Variants in SNX25 observed in about 807,000 individuals in gnomAD.
SNX25 encodes the protein sorting nexin 25, also known as sorting nexin-25.
Under a neutral mutation model 113.7 loss-of-function variants are expected in SNX25, and 62 were observed. The ratio of observed to expected loss-of-function variants is 0.55; its 90% CI spans 0.44 to 0.67. The LOEUF (loss-of-function observed/expected upper bound fraction) is 0.67. Ranked by LOEUF, SNX25 falls within the 30% of genes least tolerant of loss-of-function variation. The pLI is 0.00. For missense variants in SNX25, 1,014 were observed against 1,161.0 expected (o/e 0.87, Z 1.84); for synonymous variants, 421 against 436.2 (o/e 0.97, Z 0.43).
chr4:185,257,093 A>T (rs1222327781), intron 2 of SNX25, among the ~76,000 whole-genome samples: 5 of 152,018 alleles, frequency 3.3e-5, no homozygotes, highest in African/African-American at 4.8e-5. Flanking sequence ...TAGTGTGCAG[A>T]CAAGCAAAGA....
At chr4:185,264,314 T>G in intron 3 of SNX25, 124 bp from the exon 4 acceptor site, 1 of 912,202 alleles carries the variant, frequency 1.1e-6, no homozygotes, top group Non-Finnish European at 1.6e-6. Context: ...GGAAATTTGA[T>G]TATTTAGGAG....
rs144360642 is a variant in SNX25, at chr4:185,229,306, C to T, written c.430-17988C>T. On this transcript the variant is annotated intron_variant, in intron 1 of 18. Coordinates refer to ENST00000652585, the MANE Select transcript of SNX25 (RefSeq NM_001378034.2). The stretch of plus-strand genomic sequence containing the variant: ...AGAGAAGGGAAGGGTCAGAGGCCTG[C>T]GAGGCCTCCTATCTGCTGGCATGCA... 5.9e-5 allele frequency among the ~76,000 whole-genome samples: 9 copies of T among 152,248 alleles called. No individual in the cohort carries two copies. In the South Asian group the frequency reaches 1.5e-3, roughly 25 times the overall value.
At position 185,288,090 on chromosome 4, in the gene SNX25, C is replaced by T; in HGVS notation, c.1162+8C>T. The T allele has an allele frequency of 1.9e-6, 3 of 1,611,522 alleles. No homozygotes were observed. The highest frequency in any genetic ancestry group is 2.5e-6 in the Non-Finnish European group (3 of 1,178,694). ...AACTGAAGAGGCACAAAGGTAAGAG[C>T]CAGGTTGTTTTCTTCAGTTCCACAT... On this transcript the variant is annotated splice_region_variant and intron_variant, in intron 6 of 18. Coordinates refer to ENST00000652585, the MANE Select transcript of SNX25 (RefSeq NM_001378034.2).
intron 2 of SNX25, among the ~76,000 whole-genome samples, chr4:185,250,044 C>T (rs967684965): frequency 1.3e-5 from 2 of 152,068 alleles, no homozygotes; most frequent in Non-Finnish European, 2.9e-5. Flanking sequence ...GTGGATGCTG[C>T]TTTTTAGACA....
intron 9 of SNX25, among the ~76,000 whole-genome samples, chr4:185,327,752 T>G (rs951481792): frequency 6.6e-6 from 1 of 152,216 alleles, no homozygotes; most frequent in African/African-American, 2.4e-5. Context: ...TTAGGGTATT[T>G]CATTAAATAG....
intron 6 of SNX25, among the ~76,000 whole-genome samples, chr4:185,308,304 G>GT (rs1319369979): frequency 2.0e-5 from 3 of 152,168 alleles, no homozygotes; most frequent in East Asian, 1.9e-4. Context: ...ATTGTTACTG[G>GT]TTTTAAATTT....
chr4:185,239,763 A>ATTTTTTTTT (rs200021607), intron 1 of SNX25, among the ~76,000 whole-genome samples: 1 of 122,474 alleles, frequency 8.2e-6, no homozygotes. Context: ...AATAAGGTGT[A>ATTTTTTTTT]TTTTTTTTTT....
chr4:185,265,701 A>G (rs1163048894), intron 4 of SNX25, among the ~76,000 whole-genome samples: 1 of 152,056 alleles, frequency 6.6e-6, no homozygotes, highest in African/African-American at 2.4e-5. Context: ...ATTTTTTTAA[A>G]CTTTTTGACT....
intron 5 of SNX25, among the ~76,000 whole-genome samples, chr4:185,276,750 CT>C (rs1017844125): frequency 4.6e-5 from 7 of 152,182 alleles, no homozygotes; most frequent in Non-Finnish European, 7.3e-5. Flanking sequence ...CAGAATAAGC[CT>C]CCTTGACCAT....
intron 1 of SNX25, among the ~76,000 whole-genome samples, chr4:185,236,986 G>C (rs889256297): frequency 3.9e-5 from 6 of 152,152 alleles, no homozygotes; most frequent in African/African-American, 1.4e-4. Flanking sequence ...ATCTATAATA[G>C]AGAATGTATT....
At chr4:185,373,025 C>T (rs768117454), downstream of SNX25, 6 of 1,612,704 alleles carry the variant, frequency 3.7e-6, no homozygotes, top group African/African-American at 2.7e-5. Flanking sequence ...AGCCCAAGTG[C>T]ACCCTGGGAC....
intron 13 of SNX25, among the ~76,000 whole-genome samples, chr4:185,348,841 C>A (rs1377956939): frequency 6.6e-6 from 1 of 152,226 alleles, no homozygotes; most frequent in African/African-American, 2.4e-5. Flanking sequence ...TTGTAACTTT[C>A]TAGCCACTGA....
intron 5 of SNX25, among the ~76,000 whole-genome samples, chr4:185,282,741 T>C (rs1465000959): frequency 6.6e-6 from 1 of 152,182 alleles, no homozygotes. Context: ...TCCTCCCTAA[T>C]ACTTGACTTT....
At chr4:185,315,074 A>G (rs1251087642) in intron 7 of SNX25, among the ~76,000 whole-genome samples, 12 of 148,328 alleles carry the variant, frequency 8.1e-5, no homozygotes, top group Non-Finnish European at 1.5e-4. Context: ...TAAAAATACA[A>G]AAAATTAGCC....
intron 4 of SNX25, among the ~76,000 whole-genome samples, chr4:185,266,654 G>T (rs570174528): frequency 6.6e-6 from 1 of 152,074 alleles, no homozygotes; most frequent in Non-Finnish European, 1.5e-5. Context: ...GAGCCACCAC[G>T]CCCGGCCTTA....
chr4:185,251,408 C>T (rs560652036), intron 2 of SNX25, among the ~76,000 whole-genome samples: 4 of 152,296 alleles, frequency 2.6e-5, no homozygotes, highest in African/African-American at 9.6e-5. Context: ...CTTTCTCTTC[C>T]TCCAGCCTCT....
At chr4:185,249,525 CAGA>C (rs1745346824) in intron 2 of SNX25, among the ~76,000 whole-genome samples, 4 of 152,124 alleles carry the variant, frequency 2.6e-5, no homozygotes, top group Admixed American at 2.0e-4. Flanking sequence ...GATGTAGATA[CAGA>C]AGATTTTTCT....
rs2095248906 is a variant in SNX25, at chr4:185,339,414, A to G, written c.1950A>G (p.Ile650Met). 6.2e-7 allele frequency: 1 copy of G among 1,614,114 alleles called. No homozygotes were observed. Among genetic ancestry groups the G allele is most frequent in the Non-Finnish European group, 8.5e-7 (1 of 1,179,980 alleles). The change falls in exon 11 of 19, where the codon ATA (isoleucine) becomes ATG (methionine). Residue 650 changes from isoleucine (I) to methionine (M), a missense_variant. Transcript: ENST00000652585. ...VSKLKDEIIL[I>M]EKERTDLQLH... ...AGTTGAAGGATGAAATAATCCTAATAGAGAAAGAACGCACAGACCTTCAGC... is the reference window on the plus strand; with the variant it reads ...AGTTGAAGGATGAAATAATCCTAATGGAGAAAGAACGCACAGACCTTCAGC...
At chr4:185,255,405 A>G (rs1431554550) in intron 2 of SNX25, among the ~76,000 whole-genome samples, 1 of 152,148 alleles carries the variant, frequency 6.6e-6, no homozygotes, top group Admixed American at 6.6e-5. Flanking sequence ...AAGTGCTGGG[A>G]TTACAGATGT....
Sources: gnomAD v4.1 joint callset for allele counts (sites outside exome capture counted in the v4.1 genomes callset) on GRCh38, gnomAD v4.1.1 for gene constraint, MANE v1.5 for transcripts, NCBI Gene and HGNC (gene_info 2026-07-23, HGNC 2026-07-21) for gene names.